Variants in NCOA2 observed in about 807,000 individuals in gnomAD.
NCOA2 encodes the protein class E basic helix-loop-helix protein 75.
A neutral mutation model predicts 145.1 loss-of-function variants in NCOA2; 21 were observed. That is an observed-to-expected ratio of 0.14 (90% CI 0.10 to 0.21). The LOEUF (loss-of-function observed/expected upper bound fraction) is 0.21. Among genes scored for constraint, NCOA2 ranks in the 10% least tolerant of loss-of-function variants. The pLI, the probability that NCOA2 is intolerant of heterozygous loss-of-function variation, is 1.00. For synonymous variants in NCOA2, 619 were observed against 637.5 expected, an observed-to-expected ratio of 0.97 and a Z score of 0.44; for missense variants, 1,472 against 1,837.6, an observed-to-expected ratio of 0.80 and a Z score of 3.64.
At chr8:70,231,848 T>C (rs1821166679) in intron 2 of NCOA2, among the ~76,000 whole-genome samples, 1 of 152,174 alleles carries the variant, frequency 6.6e-6, no homozygotes. Context: ...CGCCTCTATC[T>C]ATCTTCCTAA....
chr8:70,340,715 T>A (rs936013743), intron 1 of NCOA2, among the ~76,000 whole-genome samples: 1 of 152,018 alleles, frequency 6.6e-6, no homozygotes, highest in Non-Finnish European at 1.5e-5. Flanking sequence ...ATAAAGAAAA[T>A]ATGGTACATA....
chr8:70,349,602 T>C (rs1052622615), intron 1 of NCOA2, among the ~76,000 whole-genome samples: 2 of 152,088 alleles, frequency 1.3e-5, no homozygotes, highest in African/African-American at 4.8e-5. Context: ...TTTTGAGTGG[T>C]CTCCAGTCAC....
chr8:70,324,333 TG>T (rs1586492411), intron 1 of NCOA2, among the ~76,000 whole-genome samples: 1 of 152,166 alleles, frequency 6.6e-6, no homozygotes, highest in South Asian at 2.1e-4. Flanking sequence ...TTAATATCTT[TG>T]TTTTTTTTAG....
intron 15 of NCOA2, among the ~76,000 whole-genome samples, chr8:70,133,623 C>A (rs1188743166): frequency 6.6e-6 from 1 of 152,172 alleles, no homozygotes; most frequent in Non-Finnish European, 1.5e-5. Context: ...CTCTTAGAGT[C>A]ACTACATGAT....
intron 15 of NCOA2, among the ~76,000 whole-genome samples, chr8:70,132,546 A>G (rs1232947156): frequency 2.0e-5 from 3 of 152,190 alleles, no homozygotes; most frequent in Non-Finnish European, 4.4e-5. Context: ...TTTCTTAGTC[A>G]TGCACAAGCA....
chr8:70,361,575 T>C (rs1810204619), intron 1 of NCOA2, among the ~76,000 whole-genome samples: 1 of 152,234 alleles, frequency 6.6e-6, no homozygotes, highest in Non-Finnish European at 1.5e-5. Context: ...TTCTAACTCT[T>C]TAATATGCAT....
intron 14 of NCOA2, among the ~76,000 whole-genome samples, chr8:70,139,717 G>C (rs1479806842): frequency 1.5e-5 from 2 of 135,934 alleles, no homozygotes; most frequent in African/African-American, 2.9e-5. Context: ...CAGTGTTGCA[G>C]TCACAGCTCA....
chr8:70,166,448 A>G lies in NCOA2; in HGVS notation c.730+118T>C, dbSNP rs990859095. 10 of 1,198,602 alleles carry G rather than the reference A, an allele frequency of 8.3e-6. No individual in the cohort carries two copies. The South Asian group carries it at 1.3e-4, about 16-fold the overall frequency. The allele number at this position is 1,198,602 out of a possible 1,614,324, so 74.2% of individuals were successfully genotyped here. On this transcript the variant is annotated intron_variant, in intron 7 of 22. Coordinates refer to ENST00000452400, the MANE Select transcript of NCOA2 (RefSeq NM_006540.4). ...TTCCATCACAAAACAGTAAAATTGA[A>G]AAGAACAAAGATACTGCCTCCTCAC...
intron 2 of NCOA2, among the ~76,000 whole-genome samples, chr8:70,283,531 T>C (rs1320620791): frequency 6.6e-6 from 1 of 152,224 alleles, no homozygotes; most frequent in Non-Finnish European, 1.5e-5. Flanking sequence ...TTTGGTTCAC[T>C]TACACCTTTT....
In NCOA2 at chr8:70,177,179, G is replaced by A. The variant is rs192300960; in HGVS notation, c.260-2320C>T. 5.3e-5 allele frequency among the ~76,000 whole-genome samples: 8 copies of A among 152,288 alleles called. No homozygotes were observed. In the East Asian group the frequency reaches 1.5e-3, roughly 29 times the overall value. On this transcript the variant is annotated intron_variant, in intron 4 of 22. Transcript: ENST00000452400. ...ATTCTCAAAATGCAATGGTAAACAT[G>A]AGAAGACAACCTCCCTGGAGGGGGG...
intron 4 of NCOA2, among the ~76,000 whole-genome samples, chr8:70,197,725 G>A (rs970201940): frequency 9.9e-5 from 15 of 152,024 alleles, no homozygotes; most frequent in African/African-American, 3.6e-4. Flanking sequence ...TGACACAGCA[G>A]TTAATGAAAG....
chr8:70,429,291 A>G, the NCOA2 span, among the ~76,000 whole-genome samples: 1 of 152,180 alleles, frequency 6.6e-6, no homozygotes, highest in Non-Finnish European at 1.5e-5. Context: ...AATGAAGGCA[A>G]TTTCTCTGCT....
chr8:70,185,000 C>G (rs1815897331), intron 4 of NCOA2, among the ~76,000 whole-genome samples: 1 of 152,206 alleles, frequency 6.6e-6, no homozygotes, highest in Admixed American at 6.5e-5. Context: ...TGTTCCACTT[C>G]TCAGACCTGC....
At chr8:70,268,992 C>T (rs1240927185) in intron 2 of NCOA2, among the ~76,000 whole-genome samples, 2 of 151,866 alleles carry the variant, frequency 1.3e-5, no homozygotes, top group Admixed American at 1.3e-4. Context: ...TATTTTAATA[C>T]AGAAAGTGGT....
chr8:70,438,204 G>C, the NCOA2 span, among the ~76,000 whole-genome samples: 3 of 152,118 alleles, frequency 2.0e-5, no homozygotes, highest in Non-Finnish European at 4.4e-5. Flanking sequence ...AATTACAATA[G>C]TATGCACTAA....
At chr8:70,184,900 A>C (rs571138907) in intron 4 of NCOA2, among the ~76,000 whole-genome samples, 15 of 152,166 alleles carry the variant, frequency 9.9e-5, no homozygotes, top group African/African-American at 2.4e-5. Context: ...CCTGACCTTC[A>C]TTTGTCTTCT....
intron 2 of NCOA2, among the ~76,000 whole-genome samples, chr8:70,236,938 T>C (rs985510996): frequency 6.6e-6 from 1 of 152,220 alleles, no homozygotes; most frequent in Non-Finnish European, 1.5e-5. Flanking sequence ...TAATCATGTA[T>C]ATCATAACTA....
the NCOA2 span, among the ~76,000 whole-genome samples, chr8:70,417,491 G>T: frequency 6.6e-6 from 1 of 152,118 alleles, no homozygotes; most frequent in African/African-American, 2.4e-5. Flanking sequence ...AGAGGTTGCA[G>T]TGAGCCAAGC....
chr8:70,214,788 G>C (rs1026172507), intron 3 of NCOA2, among the ~76,000 whole-genome samples: 1 of 152,044 alleles, frequency 6.6e-6, no homozygotes, highest in East Asian at 1.9e-4. Context: ...TGACAAAATA[G>C]TAAACTGAAA....
Sources: gnomAD v4.1 joint callset for allele counts (sites outside exome capture counted in the v4.1 genomes callset) on GRCh38, gnomAD v4.1.1 for gene constraint, MANE v1.5 for transcripts, NCBI Gene and HGNC (gene_info 2026-07-23, HGNC 2026-07-21) for gene names.